Variants in TNNI3K observed in about 807,000 individuals in gnomAD.
TNNI3K encodes serine/threonine-protein kinase TNNI3K.
TNNI3K carries 140 observed loss-of-function variants against 114.5 expected under a neutral mutation model. That is an observed-to-expected ratio of 1.22 (90% CI 1.07 to 1.41). The LOEUF is 1.41. TNNI3K is among the 40% of genes most tolerant of loss of function. TNNI3K has a pLI of 0.00. For missense variants in TNNI3K, 1,125 were observed against 1,007.6 expected, an observed-to-expected ratio of 1.12 and a Z score of -1.58; for synonymous variants, 347 against 347.5, an observed-to-expected ratio of 1.00 and a Z score of 0.02.
chr1:74,360,573 C>T (rs1284925053), intron 11 of TNNI3K, among the ~76,000 whole-genome samples: 1 of 152,032 alleles, frequency 6.6e-6, no homozygotes, highest in African/African-American at 2.4e-5. Flanking sequence ...ACTGCTCATT[C>T]ATCCTTACAT....
intron 11 of TNNI3K, among the ~76,000 whole-genome samples, chr1:74,357,306 G>A (rs138356233): frequency 1.3e-5 from 2 of 152,146 alleles, no homozygotes; most frequent in Non-Finnish European, 2.9e-5. Flanking sequence ...ACAATCAAGG[G>A]TGTCTATTTG....
chr1:74,413,283 A>G (rs1376937363), intron 17 of TNNI3K, among the ~76,000 whole-genome samples: 1 of 152,210 alleles, frequency 6.6e-6, no homozygotes, highest in East Asian at 1.9e-4. Context: ...AAATTCCTGG[A>G]TATTAGTATA....
intron 21 of TNNI3K, chr1:74,480,860 C>T: frequency 1.4e-6 from 1 of 717,474 alleles, no homozygotes; most frequent in Non-Finnish European, 2.6e-6. Context: ...GATACCATTT[C>T]TGCTTAGGGA....
chr1:74,358,397 G>C (rs1661773795), intron 11 of TNNI3K, among the ~76,000 whole-genome samples: 1 of 152,078 alleles, frequency 6.6e-6, no homozygotes, highest in South Asian at 2.1e-4. Flanking sequence ...CTTTTGACAA[G>C]TGTAGTATTG....
In TNNI3K at chr1:74,528,441, G is replaced by T. The variant is rs1408424570; in HGVS notation, c.2352-11793G>T. 4.6e-5 allele frequency among the ~76,000 whole-genome samples: 7 copies of T among 152,262 alleles called. No individual in the cohort carries two copies. The East Asian group carries it at 9.7e-4, about 21-fold the overall frequency. On this transcript the variant is annotated intron_variant, in intron 23 of 24. Coordinates refer to ENST00000326637, the MANE Select transcript of TNNI3K (RefSeq NM_015978.3). ...GAGAGTGAGGAAGCCTTCTGCATGG[G>T]TGTGGGATATTGGAGCCCCCGTGGG...
At chr1:74,353,846 C>G (rs1661516718) in intron 10 of TNNI3K, 134 bp from the exon 11 acceptor site, 1 of 1,294,454 alleles carries the variant, frequency 7.7e-7, no homozygotes, top group Non-Finnish European at 1.0e-6. Context: ...AAAATTAGTT[C>G]TTTATCAAAG....
chr1:74,342,865 C>G lies in TNNI3K; in HGVS notation c.706C>G (p.His236Asp). 1.9e-6 allele frequency: 3 copies of G among 1,613,358 alleles called. 1 individual carries two copies. The South Asian group carries it at 3.3e-5, about 18-fold the overall frequency. The change falls in exon 8 of 25, where the codon CAT (histidine) becomes GAT (aspartate). Residue 236 changes from histidine (H) to aspartate (D), a missense_variant. Physicochemically the swap from His to Asp is moderately conservative, Grantham distance 81. Coordinates refer to ENST00000326637, the MANE Select transcript of TNNI3K (RefSeq NM_015978.3). Reference sequence around the variant, plus strand: ...AGTGAATGCTCAAGATAATGAAGACCATGTCCCACTCCATTTCTGTTCTCG... The same window carrying G: ...AGTGAATGCTCAAGATAATGAAGACGATGTCCCACTCCATTTCTGTTCTCG... ...ADVNAQDNEDHVPLHFCSRFG... is the reference protein window; with the variant it reads ...ADVNAQDNEDDVPLHFCSRFG...
intron 2 of TNNI3K, among the ~76,000 whole-genome samples, chr1:74,246,580 A>G (rs772574997): frequency 2.0e-5 from 3 of 151,146 alleles, no homozygotes; most frequent in Non-Finnish European, 4.4e-5. Context: ...AAACCACAAG[A>G]AAAAAAAACA....
At chr1:74,529,218 G>A (rs934346314) in intron 23 of TNNI3K, among the ~76,000 whole-genome samples, 1 of 152,234 alleles carries the variant, frequency 6.6e-6, no homozygotes, top group Admixed American at 6.5e-5. Flanking sequence ...AAGCCTATCA[G>A]ACATCACTCA....
intron 17 of TNNI3K, among the ~76,000 whole-genome samples, chr1:74,412,575 T>A (rs1664934031): frequency 6.6e-6 from 1 of 152,150 alleles, no homozygotes; most frequent in Admixed American, 6.6e-5. Context: ...CTCAATGACA[T>A]CAGGCCACAT....
intron 19 of TNNI3K, among the ~76,000 whole-genome samples, chr1:74,438,834 C>T (rs2100668276): frequency 6.6e-6 from 1 of 152,176 alleles, no homozygotes; most frequent in Admixed American, 6.6e-5. Context: ...TTATGGGCTT[C>T]CTTTCTGGAA....
rs565533169 is a variant in TNNI3K, at chr1:74,285,493, A to G, written c.444+13785A>G. Among the ~76,000 whole-genome samples the G allele has an allele frequency of 1.6e-4, 24 of 150,412 alleles. 1 individual carries two copies. The South Asian group carries it at 4.9e-3, about 31-fold the overall frequency. ...TTTCATGAAACTGTTGGATCCATCT[A>G]TCCTGAAGTTTTTCTATGCTCTGAA... On this transcript the variant is annotated intron_variant, in intron 5 of 24. Coordinates refer to ENST00000326637, the MANE Select transcript of TNNI3K (RefSeq NM_015978.3).
intron 17 of TNNI3K, among the ~76,000 whole-genome samples, chr1:74,430,259 G>T (rs1192621782): frequency 6.6e-6 from 1 of 151,958 alleles, no homozygotes; most frequent in Non-Finnish European, 1.5e-5. Context: ...TGAATCATTC[G>T]AGCACTTTAG....
chr1:74,427,550 A>T (rs1193247346), intron 17 of TNNI3K, among the ~76,000 whole-genome samples: 1 of 152,078 alleles, frequency 6.6e-6, no homozygotes, highest in Non-Finnish European at 1.5e-5. Flanking sequence ...GAGAAATGTT[A>T]GTCCTTATGA....
At position 74,342,955 on chromosome 1, in the gene TNNI3K, G is replaced by A. The variant is rs560372470; in HGVS notation, c.796G>A (p.Val266Ile). Residue 266 changes from valine (V) to isoleucine (I), a missense_variant, in exon 8 of 25, where the codon GTT (valine) becomes ATT (isoleucine). Val to Ile is a conservative substitution (Grantham distance 29, BLOSUM62 3). Transcript: ENST00000326637. ...QSDLEVQPHV[V>I]NIYGDTPLHL... ...TGATTTGGAAGTTCAACCTCATGTT[G>A]TTAATATCTATGGAGATACCCCCTT... 1 of 1,613,888 alleles carries A rather than the reference G, an allele frequency of 6.2e-7. No homozygotes were observed. Among genetic ancestry groups the A allele is most frequent in the South Asian group, 1.1e-5 (1 of 91,082 alleles).
intron 20 of TNNI3K, among the ~76,000 whole-genome samples, chr1:74,454,427 T>C (rs1408128853): frequency 6.6e-5 from 10 of 152,148 alleles, no homozygotes; most frequent in Admixed American, 6.5e-4. Context: ...CTCCATGAGT[T>C]CATTTTTATT....
chr1:74,288,325 T>G (rs922529532), intron 5 of TNNI3K, among the ~76,000 whole-genome samples: 6 of 152,148 alleles, frequency 3.9e-5, no homozygotes, highest in Non-Finnish European at 7.4e-5. Flanking sequence ...TTATTCACAA[T>G]AGCCAAGATG....
In TNNI3K at chr1:74,336,108, A is replaced by G. The variant is rs1178939945; in HGVS notation, c.641A>G (p.Asn214Ser). ...CTAGCATCTGCAAAAGGATTCTTGA[A>G]TATTGCAAAACTCTTGATGGAAGAA... ...LHLASAKGFLNIAKLLMEEGS... is the reference protein window; with the variant it reads ...LHLASAKGFLSIAKLLMEEGS... Residue 214 changes from asparagine to serine, a missense_variant, in exon 7 of 25, where the codon AAT becomes AGT. Asn to Ser is a conservative substitution (Grantham distance 46). Transcript: ENST00000326637. 1 of 1,604,914 alleles carries G rather than the reference A, an allele frequency of 6.2e-7. No homozygotes were observed. The highest frequency in any genetic ancestry group is 8.5e-7 in the Non-Finnish European group (1 of 1,177,392).
At chr1:74,346,365 A>T (rs1660999414) in intron 9 of TNNI3K, among the ~76,000 whole-genome samples, 1 of 152,078 alleles carries the variant, frequency 6.6e-6, no homozygotes, top group South Asian at 2.1e-4. Context: ...AACCCTCCTG[A>T]ATTTCTAATT....
Sources: allele counts gnomAD v4.1 joint callset (sites outside exome capture counted in the v4.1 genomes callset), GRCh38; gene constraint gnomAD v4.1.1; transcripts MANE v1.5; gene names NCBI Gene and HGNC (gene_info 2026-07-23, HGNC 2026-07-21).